Variants in ZIC3 observed in about 807,000 individuals in gnomAD.
ZIC3 encodes the protein zinc finger protein ZIC 3.
In ZIC3, 6 loss-of-function variants were observed where a neutral mutation model predicts 18.3. That is an observed-to-expected ratio of 0.33 (90% CI 0.18 to 0.65). The LOEUF is 0.65. Among genes scored for constraint, ZIC3 ranks in the 30% least tolerant of loss-of-function variants. The pLI, the probability that ZIC3 is intolerant of heterozygous loss-of-function variation, is 0.75. For missense variants in ZIC3, 260 were observed against 410.0 expected (o/e 0.63, Z 3.16); for synonymous variants, 175 against 177.0 (o/e 0.99, Z 0.09).
At position 137,571,699 on chromosome X, in the gene ZIC3, GA is replaced by G. The variant is rs1293414484; in HGVS notation, c.*1634del. Reference sequence around the variant, plus strand: ...TGTTTCCATTAAAATCAATAACAATGAAAAACGGTTGTTTGCTTTGTGATAA... The same window carrying G: ...TGTTTCCATTAAAATCAATAACAATGAAAACGGTTGTTTGCTTTGTGATAA... On this transcript the variant is annotated 3_prime_UTR_variant, in exon 3 of 3. Transcript: ENST00000287538. 1.8e-5 allele frequency: 2 copies of G among 112,652 alleles called. No individual in the cohort carries two copies. Among genetic ancestry groups the G allele is most frequent in the African/African-American group, 6.5e-5 (2 of 30,937 alleles). The allele number at this position is 112,652 out of a possible 1,213,427, so 9.3% of individuals were successfully genotyped here.
Position 137,570,064 on chromosome X carries a change from C to G in ZIC3, c.1398C>G (p.Tyr466Ter). 1 of 1,210,982 alleles carries G rather than the reference C, an allele frequency of 8.3e-7. No homozygotes were observed. Among genetic ancestry groups the G allele is most frequent in the Non-Finnish European group, 1.1e-6 (1 of 894,923 alleles). The change falls in exon 3 of 3, where the codon TAC (tyrosine) becomes TAG (stop). Residue 466 changes from tyrosine (Y) to a stop codon, truncating the protein, a stop_gained. Transcript: ENST00000287538. LOFTEE classifies it high-confidence loss of function. ...TTCCTCCTAATTTTAACGAATGGTA[C>G]GTCTGAGGACAAACACAAACCCTGT... ...PGLPPNFNEW[Y>*]V
At chrX:137,572,425 A>G (rs1054594963), downstream of ZIC3, among the ~76,000 whole-genome samples, 16 of 112,037 alleles carry the variant, frequency 1.4e-4, no homozygotes, top group African/African-American at 5.2e-4. Context: ...TGGTCAGTCT[A>G]TCACTCCCAA....
chrX:137,568,718 C>A, intron 1 of ZIC3, 184 bp from the exon 2 acceptor site: 1 of 253,206 alleles, frequency 3.9e-6, no homozygotes, highest in Non-Finnish European at 7.1e-6. Flanking sequence ...GACCACCACT[C>A]CCAAACCCAG....
chrX:137,574,485 G>C (rs758534191), downstream of ZIC3, among the ~76,000 whole-genome samples: 2 of 113,454 alleles, frequency 1.8e-5, no homozygotes, highest in East Asian at 2.8e-4. Flanking sequence ...GGCTCCGGCC[G>C]GGGCCCCAAC....
At chrX:137,569,274 A>G (rs1309644559) in intron 2 of ZIC3, among the ~76,000 whole-genome samples, 2 of 110,169 alleles carry the variant, frequency 1.8e-5, no homozygotes, top group African/African-American at 6.6e-5. Context: ...AGGGGGAGGA[A>G]GCGGAGGGAA....
At position 137,571,769 on chromosome X, in the gene ZIC3, GACAA is replaced by G. The variant is rs1486735532; in HGVS notation, c.*1703_*1706del. ...AATCTTCAGTGAAGCAACTCATTTG[GACAA>G]ACAGTTCTTTTACAGTGGTTATATG... On this transcript the variant is annotated 3_prime_UTR_variant, in exon 3 of 3. Transcript: ENST00000287538. Among the ~76,000 whole-genome samples, 1 of 112,196 alleles carries G rather than the reference GACAA, an allele frequency of 8.9e-6. No individual in the cohort carries two copies. The highest frequency in any genetic ancestry group is 1.9e-5 in the Non-Finnish European group (1 of 53,247).
chrX:137,568,944 G>A lies in ZIC3; in HGVS notation c.1103G>A (p.Arg368His). ...TGTGAATTTGAAGGCTGTGACAGACGCTTTGCCAACAGCAGCGACCGTAAG... is the reference window on the plus strand; with the variant it reads ...TGTGAATTTGAAGGCTGTGACAGACACTTTGCCAACAGCAGCGACCGTAAG... Reference protein sequence around the residue: ...FKCEFEGCDRRFANSSDRKKH... With the variant: ...FKCEFEGCDRHFANSSDRKKH... Residue 368 changes from arginine (R) to histidine (H), a missense_variant, in exon 2 of 3, where the codon CGC (arginine) becomes CAC (histidine). By Grantham distance (29) the Arg-to-His change is conservative. Transcript: ENST00000287538. 1 of 1,211,181 alleles carries A rather than the reference G, an allele frequency of 8.3e-7. No homozygotes were observed. Among genetic ancestry groups the A allele is most frequent in the Non-Finnish European group, 1.1e-6 (1 of 895,366 alleles).
At chrX:137,569,172 T>A (rs1331985932) in intron 2 of ZIC3, 107 bp downstream of exon 2, 1 of 816,058 alleles carries the variant, frequency 1.2e-6, no homozygotes, top group East Asian at 6.7e-5. Flanking sequence ...CCACGTTAAA[T>A]CCGATTTGCT....
At chrX:137,574,657 G>C (rs1931490517), downstream of ZIC3, among the ~76,000 whole-genome samples, 1 of 112,382 alleles carries the variant, frequency 8.9e-6, no homozygotes, top group Non-Finnish European at 1.9e-5. Context: ...TGGGGATAGA[G>C]TTGAAAGCCG....
In ZIC3 at chrX:137,567,764, A is replaced by T. The variant is rs370670661; in HGVS notation, c.1060+13A>T. ...AGGACCCACACAGGTAAGGGAAAAA[A>T]GCAGGCGGGCGTGGGTTCCACTGGC... On this transcript the variant is annotated intron_variant, in intron 1 of 2. Transcript: ENST00000287538. 56 of 1,210,940 alleles carry T rather than the reference A, an allele frequency of 4.6e-5. No homozygotes were observed. In the African/African-American group the frequency reaches 8.5e-4, roughly 18 times the overall value.
downstream of ZIC3, among the ~76,000 whole-genome samples, chrX:137,574,729 G>A (rs1266980414): frequency 3.5e-5 from 4 of 112,873 alleles, no homozygotes; most frequent in East Asian, 2.8e-4. Context: ...TGTGGGAAGG[G>A]GGGCTGGTTT....
In ZIC3 at chrX:137,566,922, G is replaced by A; in HGVS notation, c.231G>A (p.Gln77=). The A allele has an allele frequency of 8.6e-7, 1 of 1,166,179 alleles. No individual in the cohort carries two copies. Among genetic ancestry groups the A allele is most frequent in the Non-Finnish European group, 1.1e-6 (1 of 872,827 alleles). Residue 77 remains glutamine, a synonymous_variant, in exon 1 of 3, where the codon CAG becomes CAA. Transcript: ENST00000287538. The part of the protein sequence containing the change: ...SSGQSSAFTP[Q]GSGYANALGH... ...GCCAGAGCTCGGCTTTCACGCCGCA[G>A]GGTTCGGGCTACGCCAACGCCCTGG... is the stretch of plus-strand genomic sequence containing the variant.
chrX:137,575,785 A>G (rs953484661), downstream of ZIC3, among the ~76,000 whole-genome samples: 2 of 111,518 alleles, frequency 1.8e-5, no homozygotes, highest in Non-Finnish European at 3.8e-5. Context: ...ATCTGGGGGG[A>G]AATCTGCAAA....
chrX:137,574,089 G>A (rs1931479264), downstream of ZIC3: 1 of 113,316 alleles, frequency 8.8e-6, no homozygotes, highest in African/African-American at 3.2e-5. Context: ...TGCCTAATCC[G>A]GACCTGGGGT....
At position 137,566,982 on chromosome X, in the gene ZIC3, C is replaced by T; in HGVS notation, c.291C>T (p.His97=). The change falls in exon 1 of 3, where the codon CAC becomes CAT. Residue 97 remains histidine (H), a synonymous_variant. Transcript: ENST00000287538. ...HHHHHHHHHH[H]TSQVPSYGGA... is the part of the protein sequence containing the mutation. ...ACCACCACCATCACCATCATCACCA[C>T]ACCAGCCAGGTGCCCAGCTACGGTG... 1.7e-6 allele frequency: 2 copies of T among 1,167,514 alleles called. No individual in the cohort carries two copies. Among genetic ancestry groups the T allele is most frequent in the Non-Finnish European group, 2.3e-6 (2 of 873,194 alleles).
intron 2 of ZIC3, among the ~76,000 whole-genome samples, chrX:137,569,379 C>G (rs2124186104): frequency 8.9e-6 from 1 of 112,238 alleles, no homozygotes; most frequent in South Asian, 3.8e-4. Flanking sequence ...CGGTGGGAAC[C>G]GAGAGTAGCC....
At chrX:137,577,041 G>T, downstream of ZIC3, 1 of 420,409 alleles carries the variant, frequency 2.4e-6, no homozygotes, top group South Asian at 5.0e-5. Context: ...ATATTCATGT[G>T]ACATTTTATG....
Position 137,567,681 on chromosome X carries a change from C to A in ZIC3, c.990C>A (p.Cys330Ter). ...RVHTGEKPFP[C>*]PFPGCGKIFA... ...ACACGGGCGAGAAGCCCTTCCCATG[C>A]CCCTTCCCGGGCTGCGGGAAGATCT... is the stretch of plus-strand genomic sequence containing the variant. The change falls in exon 1 of 3, where the codon TGC (cysteine) becomes TGA (stop). Residue 330 changes from cysteine to a stop codon, truncating the protein, a stop_gained. Coordinates refer to ENST00000287538, the MANE Select transcript of ZIC3 (RefSeq NM_003413.4). LOFTEE classifies it high-confidence loss of function. The A allele has an allele frequency of 8.2e-7, 1 of 1,212,552 alleles. No homozygotes were observed.
At chrX:137,569,094 G>A (rs769536277) in intron 2 of ZIC3, 29 bp downstream of exon 2, 3 of 1,206,763 alleles carry the variant, frequency 2.5e-6, no homozygotes, top group South Asian at 1.8e-5. Context: ...GCGGTCGGCG[G>A]TTTGTAAACA....
Sources: gnomAD v4.1 joint callset for allele counts (sites outside exome capture counted in the v4.1 genomes callset) on GRCh38, gnomAD v4.1.1 for gene constraint, MANE v1.5 for transcripts, NCBI Gene and HGNC (gene_info 2026-07-23, HGNC 2026-07-21) for gene names.